ADGB: variants seen among roughly 807,000 people sequenced by gnomAD.
ADGB encodes the protein androglobin, also known as calpain-7-like protein.
Under a neutral mutation model 210.5 loss-of-function variants are expected in ADGB, and 172 were observed. That is an observed-to-expected ratio of 0.82 (90% CI 0.72 to 0.93). The LOEUF (loss-of-function observed/expected upper bound fraction) is 0.93, where lower values mean the gene tolerates loss of function less well. ADGB is among the 40% of genes least tolerant of loss of function. The pLI, the probability that ADGB is intolerant of heterozygous loss-of-function variation, is 0.00. For missense variants in ADGB, 2,025 were observed against 1,964.8 expected (o/e 1.03, Z -0.58); for synonymous variants, 658 against 662.7 (o/e 0.99, Z 0.11).
chr6:146,748,557 G>A (rs147244805), intron 26 of ADGB, among the ~76,000 whole-genome samples: 175 of 152,140 alleles, frequency 1.2e-3, no homozygotes, highest in Non-Finnish European at 1.7e-3. Flanking sequence ...ACATCTTCAC[G>A]TGGTATCTTC....
chr6:146,672,467 G>A lies in ADGB; in HGVS notation c.1087G>A (p.Glu363Lys). The A allele has an allele frequency of 6.5e-7, 1 of 1,530,942 alleles. No individual in the cohort carries two copies. The highest frequency in any genetic ancestry group is 1.3e-5 in the South Asian group (1 of 79,850). The allele number at this position is 1,530,942 out of a possible 1,614,324, so 94.8% of individuals were successfully genotyped here. Residue 363 changes from glutamate (E) to lysine (K), a missense_variant and splice_region_variant, in exon 8 of 36, where the codon GAG becomes AAG. Physicochemically the swap from Glu to Lys is moderately conservative, Grantham distance 56 (BLOSUM62 1). Coordinates refer to ENST00000397944, the MANE Select transcript of ADGB (RefSeq NM_024694.4). ...APEKSDKVPK[E>K]KADARDIGKK... The stretch of plus-strand genomic sequence containing the variant: ...TGAGAAAAGCGACAAAGTTCCAAAG[G>A]GTAAGATATTTTACATCAAAATGTG...
At chr6:146,768,383 A>G (rs960721454) in intron 28 of ADGB, among the ~76,000 whole-genome samples, 10 of 152,204 alleles carry the variant, frequency 6.6e-5, no homozygotes, top group African/African-American at 2.4e-4. Context: ...TAATGCATAC[A>G]TAGGTAAATG....
chr6:146,804,746 C>T (rs1778186288), intron 35 of ADGB, among the ~76,000 whole-genome samples: 1 of 152,204 alleles, frequency 6.6e-6, no homozygotes, highest in Admixed American at 6.5e-5. Flanking sequence ...GTGGTCTCTG[C>T]TTTGCCACAA....
At chr6:146,647,175 G>A (rs955049163) in intron 3 of ADGB, among the ~76,000 whole-genome samples, 1 of 151,224 alleles carries the variant, frequency 6.6e-6, no homozygotes, top group Non-Finnish European at 1.5e-5. Flanking sequence ...AGATTCCTGG[G>A]TCTGATAGTT....
chr6:146,724,220 A>G lies in ADGB; in HGVS notation c.2130A>G (p.Gly710=). ...AAGACAGTCCTCCCATAGAGCCTGG[A>G]CTTCTCACAGCTGAAACGTTTTCTT... ...LTKDSPPIEP[G]LLTAETFSWK... Residue 710 remains glycine, a synonymous_variant, in exon 18 of 36, where the codon GGA becomes GGG. Transcript: ENST00000397944. 6.4e-7 allele frequency: 1 copy of G among 1,551,172 alleles called. No individual in the cohort carries two copies. The highest frequency in any genetic ancestry group is 1.4e-5 in the African/African-American group (1 of 73,152).
At chr6:146,637,387 A>G (rs1472890977) in intron 2 of ADGB, among the ~76,000 whole-genome samples, 2 of 152,044 alleles carry the variant, frequency 1.3e-5, no homozygotes, top group African/African-American at 4.8e-5. Context: ...AATTTTGCAT[A>G]TAATTTTATT....
At chr6:146,727,176 C>T (rs1426679208) in intron 19 of ADGB, among the ~76,000 whole-genome samples, 2 of 124,854 alleles carry the variant, frequency 1.6e-5, no homozygotes, top group African/African-American at 6.0e-5. Context: ...CCCTTTCCTA[C>T]CAAAAAAAAA....
intron 27 of ADGB, among the ~76,000 whole-genome samples, chr6:146,759,915 T>C (rs1777461454): frequency 6.6e-6 from 1 of 151,864 alleles, no homozygotes; most frequent in Admixed American, 6.6e-5. Flanking sequence ...TATTACCTTC[T>C]TTGCAAAATT....
Position 146,740,510 on chromosome 6 carries a change from A to G in ADGB, c.2940A>G (p.Gln980=). 1 of 1,549,362 alleles carries G rather than the reference A, an allele frequency of 6.5e-7. No individual in the cohort carries two copies. The highest frequency in any genetic ancestry group is 1.4e-5 in the African/African-American group (1 of 73,144). The change falls in exon 24 of 36, where the codon CAA becomes CAG. Residue 980 remains glutamine, a synonymous_variant. Coordinates refer to ENST00000397944, the MANE Select transcript of ADGB (RefSeq NM_024694.4). The stretch of plus-strand genomic sequence containing the variant: ...CTTTGGAATCTTATCCATGCTATCA[A>G]GATGAAGAAACTAAGATTGCTTTTG... The part of the protein sequence containing the change: ...CKSLESYPCY[Q]DEETKIAFAD...
chr6:146,729,757 G>A (rs1211652485), intron 20 of ADGB, among the ~76,000 whole-genome samples: 2 of 152,154 alleles, frequency 1.3e-5, no homozygotes, highest in Non-Finnish European at 2.9e-5. Flanking sequence ...TGGGATACTT[G>A]TTATTACTAA....
chr6:146,635,393 T>A lies in ADGB; in HGVS notation c.93T>A (p.Ser31Arg). 6.5e-7 allele frequency: 1 copy of A among 1,533,738 alleles called. No individual in the cohort carries two copies. The highest frequency in any genetic ancestry group is 8.8e-7 in the Non-Finnish European group (1 of 1,138,834). The change falls in exon 2 of 36, where the codon AGT (serine) becomes AGA (arginine). Residue 31 changes from serine (S) to arginine (R), a missense_variant. By Grantham distance (110) the Ser-to-Arg change is moderately radical. Coordinates refer to ENST00000397944, the MANE Select transcript of ADGB (RefSeq NM_024694.4). ...TGTCTAGTTTCTATCCTTTTGGCAG[T>A]AATGTACAATCTGGTTCTACTGAAC... is the stretch of plus-strand genomic sequence containing the variant. ...DKSKDFYPFGSNVQSGSTEQK... is the reference protein window; with the variant it reads ...DKSKDFYPFGRNVQSGSTEQK...
chr6:146,696,538 G>A (rs1394952490), intron 12 of ADGB, among the ~76,000 whole-genome samples: 1 of 149,280 alleles, frequency 6.7e-6, no homozygotes, highest in African/African-American at 2.6e-5. Context: ...ACTAGAAAGG[G>A]CACTGTTTTT....
chr6:146,629,706 T>C (rs1020020771), intron 1 of ADGB, among the ~76,000 whole-genome samples: 1 of 152,186 alleles, frequency 6.6e-6, no homozygotes, highest in Non-Finnish European at 1.5e-5. Flanking sequence ...GTCAATACTC[T>C]ATACAACAGA....
intron 27 of ADGB, among the ~76,000 whole-genome samples, chr6:146,762,608 TAA>T (rs1195421470): frequency 6.6e-6 from 1 of 152,182 alleles, no homozygotes; most frequent in East Asian, 1.9e-4. Context: ...GCTACACTGC[TAA>T]GAGTCTAGAT....
chr6:146,749,979 A>G (rs760261457), intron 26 of ADGB, among the ~76,000 whole-genome samples: 6 of 152,086 alleles, frequency 3.9e-5, no homozygotes, highest in Non-Finnish European at 8.8e-5. Flanking sequence ...GATTATCATA[A>G]TTCAACATGA....
At position 146,774,555 on chromosome 6, in the gene ADGB, GT is replaced by G. The variant is rs558403692; in HGVS notation, c.3862+5427del. Among the ~76,000 whole-genome samples the G allele has an allele frequency of 1.6e-3, 248 of 152,246 alleles. 1 individual carries two copies. The highest frequency in any genetic ancestry group is 0.01 in the Middle Eastern group (3 of 294). On this transcript the variant is annotated intron_variant, in intron 29 of 35. Transcript: ENST00000397944. Reference sequence around the variant, plus strand: ...TTAAAATGAAGTAGGAAAATTTTCTGTTTGAAAGAATATTTTGTTGGGCAAT... The same window carrying G: ...TTAAAATGAAGTAGGAAAATTTTCTGTTGAAAGAATATTTTGTTGGGCAAT...
At chr6:146,664,122 G>A (rs1775904338) in intron 5 of ADGB, 79 bp from the exon 6 acceptor site, 2 of 1,353,454 alleles carry the variant, frequency 1.5e-6, no homozygotes, top group East Asian at 5.2e-5. Flanking sequence ...AAATAGTAAT[G>A]TCAGCCACGT....
intron 33 of ADGB, among the ~76,000 whole-genome samples, chr6:146,796,570 C>T (rs1778046162): frequency 6.6e-6 from 1 of 152,148 alleles, no homozygotes; most frequent in Admixed American, 6.6e-5. Flanking sequence ...CAATTACTTA[C>T]AGCCATCTGT....
At chr6:146,629,109 C>T (rs950908911) in intron 1 of ADGB, among the ~76,000 whole-genome samples, 10 of 152,146 alleles carry the variant, frequency 6.6e-5, no homozygotes, top group African/African-American at 2.2e-4. Context: ...GGCCCTTCCA[C>T]ATACAGTGAG....
Sources: allele counts gnomAD v4.1 joint callset (sites outside exome capture counted in the v4.1 genomes callset), GRCh38; gene constraint gnomAD v4.1.1; transcripts MANE v1.5; gene names NCBI Gene and HGNC (gene_info 2026-07-23, HGNC 2026-07-21).